ABCA5: variants seen among roughly 807,000 people sequenced by gnomAD.
ABCA5 encodes cholesterol transporter ABCA5.
ABCA5 carries 163 observed loss-of-function variants against 206.0 expected under a neutral mutation model. The observed-to-expected ratio is 0.79, with a 90% CI of 0.70 to 0.90. ABCA5 has a LOEUF of 0.90. Among genes scored for constraint, ABCA5 ranks in the 40% least tolerant of loss-of-function variants. The pLI is 0.00. For missense variants in ABCA5, 1,859 were observed against 1,912.9 expected, an observed-to-expected ratio of 0.97 and a Z score of 0.53; for synonymous variants, 609 against 613.8, an observed-to-expected ratio of 0.99 and a Z score of 0.11.
chr17:69,251,136 A>G (rs1430126136), intron 35 of ABCA5: 1 of 153,000 alleles, frequency 6.5e-6, no homozygotes, highest in Admixed American at 6.5e-5. Context: ...AATATTACAC[A>G]GCTGTAGTAC....
intron 1 of ABCA5, chr17:69,314,935 T>C (rs1330902477): frequency 1.3e-5 from 2 of 152,722 alleles, no homozygotes; most frequent in East Asian, 1.9e-4. Flanking sequence ...AATGGAACTA[T>C]CGTTGTAAGA....
intron 1 of ABCA5, 177 bp from the exon 2 acceptor site, chr17:69,314,607 A>C: frequency 2.0e-6 from 1 of 496,974 alleles, no homozygotes; most frequent in Middle Eastern, 3.8e-4. Context: ...GTCAGCTCTG[A>C]AAAGTAAACA....
rs763912079 is a variant in ABCA5 at position 69,251,740 on chromosome 17, C to T, written c.4535+7G>A. The T allele has an allele frequency of 8.1e-6, 13 of 1,609,970 alleles. No individual in the cohort carries two copies. The highest frequency in any genetic ancestry group is 1.3e-5 in the African/African-American group (1 of 74,692). ...TCCCCTGAATGGCACGCTATTTAGA[C>T]ATCAACCTTAACTGCCCAGACACCA... On this transcript the variant is annotated splice_region_variant and intron_variant, in intron 35 of 38. Coordinates refer to ENST00000392676, the MANE Select transcript of ABCA5 (RefSeq NM_172232.4).
intron 14 of ABCA5, among the ~76,000 whole-genome samples, chr17:69,288,192 T>C (rs111582478): frequency 6.6e-6 from 1 of 152,078 alleles, no homozygotes; most frequent in Non-Finnish European, 1.5e-5. Flanking sequence ...GGAAGACTAA[T>C]GAACATAAAG....
At chr17:69,253,744 C>G in intron 33 of ABCA5, 50 bp downstream of exon 33, 1 of 1,579,428 alleles carries the variant, frequency 6.3e-7, no homozygotes, top group Non-Finnish European at 8.7e-7. Context: ...ATATCAGGTA[C>G]TAAACTATCA....
At chr17:69,307,632 G>A (rs1045822430) in intron 5 of ABCA5, among the ~76,000 whole-genome samples, 5 of 151,908 alleles carry the variant, frequency 3.3e-5, no homozygotes, top group African/African-American at 9.7e-5. Flanking sequence ...AATATTACAC[G>A]TCCCTAATAT....
At position 69,261,270 on chromosome 17, in the gene ABCA5, A is replaced by C. The variant is rs2075143953; in HGVS notation, c.3430-11T>G. 11 of 1,579,892 alleles carry C rather than the reference A, an allele frequency of 7.0e-6. No homozygotes were observed. Among genetic ancestry groups the C allele is most frequent in the Admixed American group, 1.9e-5 (1 of 53,940 alleles). ...ACAAGCCAACGCTGCCTAAAGAAAA[A>C]AATAAATAAATAAAAGTGACAAAGT... On this transcript the variant is annotated splice_polypyrimidine_tract_variant and intron_variant, in intron 25 of 38. Transcript: ENST00000392676.
intron 37 of ABCA5, chr17:69,248,908 T>C (rs750830626): frequency 2.6e-5 from 4 of 152,074 alleles, no homozygotes; most frequent in Non-Finnish European, 4.4e-5. Flanking sequence ...AAAAATATTT[T>C]GTAAAAACAG....
intron 37 of ABCA5, 36 bp downstream of exon 37, chr17:69,249,869 G>A: frequency 6.5e-7 from 1 of 1,539,466 alleles, no homozygotes; most frequent in African/African-American, 1.4e-5. Context: ...ATCTTCCTTA[G>A]GAATTTTATA....
At chr17:69,281,533 C>CACAT (rs1262942986) in intron 18 of ABCA5, among the ~76,000 whole-genome samples, 2 of 152,126 alleles carry the variant, frequency 1.3e-5, no homozygotes, top group African/African-American at 4.8e-5. Context: ...ACTACAAAAT[C>CACAT]ACATACATTA....
At position 69,286,233 on chromosome 17, in the gene ABCA5, C is replaced by A; in HGVS notation, c.2120G>T (p.Gly707Val). The A allele has an allele frequency of 6.2e-7, 1 of 1,602,566 alleles. No homozygotes were observed. The highest frequency in any genetic ancestry group is 2.2e-5 in the East Asian group (1 of 44,578). Residue 707 changes from glycine to valine, a missense_variant, in exon 16 of 39, where the codon GGC becomes GTC. Transcript: ENST00000392676. Reference protein sequence around the residue: ...SMFLKSKWGIGYRLSMYIDKY... With the variant: ...SMFLKSKWGIVYRLSMYIDKY... The stretch of plus-strand genomic sequence containing the variant: ...AAATGAATGATACCTCAGGCGGTAG[C>A]CGATCCCCCATTTACTTTTGAGGAA...
rs750426352 is a variant in ABCA5, at chr17:69,251,855, C to T, written c.4427G>A (p.Arg1476Gln). 17 of 1,612,714 alleles carry T rather than the reference C, an allele frequency of 1.1e-5. No individual in the cohort carries two copies. The highest frequency in any genetic ancestry group is 8.4e-5 in the Admixed American group (5 of 59,726). ...CCGCTTTCTGTTTTTAAATGCAGTT[C>T]GAATTGCTCGCCTATAAAACATAAA... ...KAKQHMWRAI[R>Q]TAFKNRKRAA... Residue 1476 changes from arginine to glutamine, a missense_variant, in exon 35 of 39, where the codon CGA becomes CAA. Arg to Gln is a conservative substitution (Grantham distance 43, BLOSUM62 1). Coordinates refer to ENST00000392676, the MANE Select transcript of ABCA5 (RefSeq NM_172232.4).
intron 20 of ABCA5, among the ~76,000 whole-genome samples, chr17:69,272,231 G>A (rs2075281498): frequency 6.6e-6 from 1 of 152,170 alleles, no homozygotes; most frequent in Non-Finnish European, 1.5e-5. Flanking sequence ...CCTGAGAAGA[G>A]AGACACATTA....
chr17:69,266,544 G>A (rs985520749), intron 23 of ABCA5, among the ~76,000 whole-genome samples: 3 of 146,950 alleles, frequency 2.0e-5, no homozygotes, highest in Non-Finnish European at 4.5e-5. Flanking sequence ...ATGTGCACAT[G>A]TACCCTAAAA....
intron 21 of ABCA5, 55 bp downstream of exon 21, chr17:69,271,107 C>T (rs572915172): frequency 1.1e-4 from 165 of 1,546,704 alleles, no homozygotes; most frequent in African/African-American, 5.8e-4. Context: ...TTAGAAGAAA[C>T]GTTTTAATCT....
At chr17:69,319,310 T>C (rs964520735) in intron 1 of ABCA5, among the ~76,000 whole-genome samples, 14 of 152,220 alleles carry the variant, frequency 9.2e-5, no homozygotes, top group Admixed American at 7.9e-4. Context: ...ACTTTGAATG[T>C]TGGATGCTTA....
At chr17:69,310,554 C>G (rs1162578859) in intron 3 of ABCA5, among the ~76,000 whole-genome samples, 74 of 152,154 alleles carry the variant, frequency 4.9e-4, no homozygotes, top group Non-Finnish European at 1.9e-4. Flanking sequence ...TATGACACAA[C>G]TCCTCCTTAA....
At position 69,261,628 on chromosome 17, in the gene ABCA5, G is replaced by T; in HGVS notation, c.3429+7C>A. On this transcript the variant is annotated splice_region_variant and intron_variant, in intron 25 of 38. Transcript: ENST00000392676. Reference sequence around the variant, plus strand: ...GGAAAGTTGAAATAATGTAAAATGTGACTTACCACAGAATAGATAAATGAC... The same window carrying T: ...GGAAAGTTGAAATAATGTAAAATGTTACTTACCACAGAATAGATAAATGAC... The T allele has an allele frequency of 8.4e-7, 1 of 1,186,190 alleles. No individual in the cohort carries two copies. Among genetic ancestry groups the T allele is most frequent in the South Asian group, 1.4e-5 (1 of 69,786 alleles). The allele number at this position is 1,186,190 out of a possible 1,614,324, so 73.5% of individuals were successfully genotyped here. A position where few individuals can be genotyped will look rare whatever the true frequency, so the allele number is the denominator to read the frequency against.
intron 28 of ABCA5, among the ~76,000 whole-genome samples, chr17:69,259,113 A>G (rs2075117251): frequency 6.6e-6 from 1 of 152,108 alleles, no homozygotes; most frequent in African/African-American, 2.4e-5. Context: ...ATATATGTCC[A>G]TACAAACAGT....
Sources: gnomAD v4.1 joint callset for allele counts (sites outside exome capture counted in the v4.1 genomes callset) on GRCh38, gnomAD v4.1.1 for gene constraint, MANE v1.5 for transcripts, NCBI Gene and HGNC (gene_info 2026-07-23, HGNC 2026-07-21) for gene names.